PLXNA2: variants seen among roughly 807,000 people sequenced by gnomAD.
The protein encoded by PLXNA2 is plexin-A2.
Under a neutral mutation model 193.5 loss-of-function variants are expected in PLXNA2, and 91 were observed. That is an observed-to-expected ratio of 0.47 (90% CI 0.40 to 0.56). The LOEUF (loss-of-function observed/expected upper bound fraction) is 0.56, where lower values mean the gene tolerates loss of function less well. Among genes scored for constraint, PLXNA2 ranks in the 20% least tolerant of loss-of-function variants. The pLI is 0.00. For synonymous variants in PLXNA2, 997 were observed against 1,027.3 expected, an observed-to-expected ratio of 0.97 and a Z score of 0.56; for missense variants, 1,995 against 2,503.2, an observed-to-expected ratio of 0.80 and a Z score of 4.33.
intron 3 of PLXNA2, among the ~76,000 whole-genome samples, chr1:208,200,857 C>T (rs1236593839): frequency 6.6e-6 from 1 of 152,076 alleles, no homozygotes; most frequent in Non-Finnish European, 1.5e-5. Flanking sequence ...CTGCCTGCCT[C>T]GGCCTCCCAA....
chr1:208,175,404 T>C (rs1486926830), intron 3 of PLXNA2, among the ~76,000 whole-genome samples: 1 of 152,190 alleles, frequency 6.6e-6, no homozygotes, highest in Non-Finnish European at 1.5e-5. Flanking sequence ...AGGTCTCTTC[T>C]TGTTCCCCCA....
At chr1:208,140,427 T>A (rs951050060) in intron 4 of PLXNA2, among the ~76,000 whole-genome samples, 2 of 152,214 alleles carry the variant, frequency 1.3e-5, no homozygotes, top group African/African-American at 4.8e-5. Context: ...CCCACTTTGC[T>A]GGGCTCAGAG....
chr1:208,030,903 C>A (rs1292136454), intron 29 of PLXNA2: 1 of 985,760 alleles, frequency 1.0e-6, no homozygotes, highest in Non-Finnish European at 1.2e-6. Context: ...AGGATAAAGT[C>A]TCATACCAGG....
At chr1:208,230,414 A>G (rs905439730) in intron 1 of PLXNA2, 1 of 152,144 alleles carries the variant, frequency 6.6e-6, no homozygotes, top group Non-Finnish European at 1.5e-5. Context: ...CCCTCCTCTC[A>G]TGGCCCTTGG....
chr1:208,221,381 GTTTTTT>G (rs33915614), intron 1 of PLXNA2, among the ~76,000 whole-genome samples: 3 of 58,080 alleles, frequency 5.2e-5, no homozygotes, highest in South Asian at 8.8e-4. Context: ...TTCTTTTTCT[GTTTTTT>G]TTTTTTTTTT....
At chr1:208,204,199 T>C (rs938858723) in intron 3 of PLXNA2, among the ~76,000 whole-genome samples, 2 of 152,098 alleles carry the variant, frequency 1.3e-5, no homozygotes, top group African/African-American at 4.8e-5. Context: ...CCCCAGAGCT[T>C]GGAAAGTCTC....
chr1:208,165,078 A>C (rs1316203672), intron 3 of PLXNA2, among the ~76,000 whole-genome samples: 1 of 152,062 alleles, frequency 6.6e-6, no homozygotes, highest in Non-Finnish European at 1.5e-5. Context: ...GTGGAGATGG[A>C]GGGATTAATG....
At chr1:208,117,863 A>T (rs6695230) in intron 4 of PLXNA2, among the ~76,000 whole-genome samples, 7,365 of 152,288 alleles carry the variant, frequency 0.048, 255 homozygotes, top group Non-Finnish European at 0.073. Flanking sequence ...AAATCTGCAC[A>T]TCAGTCCATA....
intron 9 of PLXNA2, among the ~76,000 whole-genome samples, chr1:208,087,481 G>C (rs574278301): frequency 6.6e-6 from 1 of 151,976 alleles, no homozygotes; most frequent in Non-Finnish European, 1.5e-5. Context: ...TCAAATGTAA[G>C]GGTAACAATT....
At chr1:208,198,609 A>T (rs563345542) in intron 3 of PLXNA2, among the ~76,000 whole-genome samples, 1 of 152,296 alleles carries the variant, frequency 6.6e-6, no homozygotes, top group Non-Finnish European at 1.5e-5. Context: ...AGAGGGACAC[A>T]AGGAAGACAG....
At chr1:208,143,829 C>G (rs1396149790) in intron 3 of PLXNA2, among the ~76,000 whole-genome samples, 1 of 151,990 alleles carries the variant, frequency 6.6e-6, no homozygotes, top group East Asian at 1.9e-4. Context: ...GAATTGTTCT[C>G]TAATTGCTTC....
intron 3 of PLXNA2, among the ~76,000 whole-genome samples, chr1:208,151,160 G>A (rs1668752475): frequency 6.6e-6 from 1 of 152,224 alleles, no homozygotes; most frequent in Non-Finnish European, 1.5e-5. Flanking sequence ...CAGAAGCAAA[G>A]CAATAATTCA....
At position 208,096,880 on chromosome 1, in the gene PLXNA2, T is replaced by C. The variant is rs1212114642; in HGVS notation, c.1735A>G (p.Ser579Gly). The C allele has an allele frequency of 6.2e-7, 1 of 1,613,222 alleles. No homozygotes were observed. ...TCAGGAGCATCACTCACTACCAGGC[T>C]AAGCTGTGGGAGGAGCAAAGAGATG... The part of the protein sequence containing the change: ...ISVSEHSRLL[S>G]LVVSDAPDLS... The change falls in exon 7 of 32, where the codon AGC becomes GGC. Residue 579 changes from serine (S) to glycine (G), a missense_variant. By Grantham distance (56) the Ser-to-Gly change is moderately conservative. Around this residue, in one of 3 missense-constraint regions of PLXNA2, gnomAD observed 702 missense variants for 812.9 expected, o/e 0.86. Coordinates refer to ENST00000367033, the MANE Select transcript of PLXNA2 (RefSeq NM_025179.4).
At position 208,216,820 on chromosome 1, in the gene PLXNA2, T is replaced by C. The variant is rs1671144635; in HGVS notation, c.1103A>G (p.Lys368Arg). The C allele has an allele frequency of 3.7e-6, 6 of 1,614,190 alleles. No individual in the cohort carries two copies. The highest frequency in any genetic ancestry group is 5.1e-6 in the Non-Finnish European group (6 of 1,180,034). ...FPIRAINLQI[K>R]ERLQSCYQGE... is the part of the protein sequence containing the mutation. ...CTGGTAGCAGGACTGCAGGCGCTCCTTGATCTGCAAGTTGATGGCCCGGAT... is the reference window on the plus strand; with the variant it reads ...CTGGTAGCAGGACTGCAGGCGCTCCCTGATCTGCAAGTTGATGGCCCGGAT... Residue 368 changes from lysine (K) to arginine (R), a missense_variant, in exon 2 of 32, where the codon AAG (lysine) becomes AGG (arginine). Physicochemically the swap from Lys to Arg is conservative, Grantham distance 26 (BLOSUM62 2). This residue lies in a region of PLXNA2 where 702 missense variants were observed against 812.9 expected (regional missense o/e 0.86). Transcript: ENST00000367033.
chr1:208,033,522 G>T lies in PLXNA2; in HGVS notation c.4865-13C>A. 3 of 1,588,398 alleles carry T rather than the reference G, an allele frequency of 1.9e-6. No homozygotes were observed. Among genetic ancestry groups the T allele is most frequent in the Non-Finnish European group, 2.6e-6 (3 of 1,162,690 alleles). ...CTGAAGGAGGAGTCTGAGGAGAAGG[G>T]GTTGGTGGAGGGCTGTGAGTAACAG... On this transcript the variant is annotated splice_polypyrimidine_tract_variant and intron_variant, in intron 27 of 31. Transcript: ENST00000367033.
intron 9 of PLXNA2, among the ~76,000 whole-genome samples, chr1:208,088,926 T>A (rs188780654): frequency 1.3e-5 from 2 of 152,364 alleles, no homozygotes; most frequent in African/African-American, 4.8e-5. Flanking sequence ...TCCTAATTTC[T>A]GCATTTATTT....
At position 208,082,516 on chromosome 1, in the gene PLXNA2, G is replaced by A. The variant is rs746356283; in HGVS notation, c.2299-8C>T. 3 of 1,609,874 alleles carry A rather than the reference G, an allele frequency of 1.9e-6. No individual in the cohort carries two copies. Among genetic ancestry groups the A allele is most frequent in the East Asian group, 4.5e-5 (2 of 44,848 alleles). On this transcript the variant is annotated splice_polypyrimidine_tract_variant and splice_region_variant and intron_variant, in intron 10 of 31. Transcript: ENST00000367033. The surrounding 1 kb of genome is among the most constrained non-coding windows in gnomAD (Gnocchi z 4.2). ...CATGCCATCATACTGGTACTATAGG[G>A]AGACGGGCAGAGGCATGGGGCTCAT...
rs771830329 is a variant in PLXNA2, at chr1:208,038,477, G to A, written c.4661-3C>T. The A allele has an allele frequency of 3.7e-6, 6 of 1,609,314 alleles. No individual in the cohort carries two copies. The highest frequency in any genetic ancestry group is 5.1e-6 in the Non-Finnish European group (6 of 1,175,750). Reference sequence around the variant, plus strand: ...GGCGATCCGGCCTTGGCGCCACTCTGGGTGGAGGGGGTGGTGCAGGGAGCG... The same window carrying A: ...GGCGATCCGGCCTTGGCGCCACTCTAGGTGGAGGGGGTGGTGCAGGGAGCG... On this transcript the variant is annotated splice_region_variant and splice_polypyrimidine_tract_variant and intron_variant, in intron 25 of 31. Transcript: ENST00000367033. This position sits in a 1 kb window ranked among gnomAD's most constrained non-coding sequence, Gnocchi z 4.1.
At position 208,098,867 on chromosome 1, in the gene PLXNA2, T is replaced by C. The variant is rs141700335; in HGVS notation, c.1710A>G (p.Ser570=). 5.0e-6 allele frequency: 8 copies of C among 1,613,750 alleles called. No homozygotes were observed. The highest frequency in any genetic ancestry group is 6.8e-6 in the Non-Finnish European group (8 of 1,179,850). Residue 570 remains serine, a synonymous_variant, in exon 6 of 32, where the codon TCA becomes TCG. Transcript: ENST00000367033. The stretch of plus-strand genomic sequence containing the variant: ...TTACCAACCGGCTGTGCTCAGATAC[T>C]GAGATGCTGCTGGGATGCACTGCAA... ...VSLAVHPSSI[S]VSEHSRLLSL...
Sources: allele counts gnomAD v4.1 joint callset (sites outside exome capture counted in the v4.1 genomes callset), GRCh38; gene constraint gnomAD v4.1.1; regional missense constraint gnomAD v4.1.1; non-coding constraint Gnocchi (gnomAD v3.1); transcripts MANE v1.5; gene names NCBI Gene and HGNC (gene_info 2026-07-23, HGNC 2026-07-21).